The following NT5C3B variants were observed in gnomAD, a reference collection of about 807,000 sequenced individuals.
The protein encoded by NT5C3B is 5'-nucleotidase, cytosolic IIIB, also known as 7-methylguanosine phosphate-specific 5'-nucleotidase.
NT5C3B carries 28 observed loss-of-function variants against 32.5 expected under a neutral mutation model. The observed-to-expected ratio is 0.86, with a 90% CI of 0.64 to 1.18. NT5C3B has a LOEUF of 1.18. Among genes scored for constraint, NT5C3B ranks in the 50% most tolerant of loss-of-function variants. The pLI, the probability that NT5C3B is intolerant of heterozygous loss-of-function variation, is 0.00. For missense variants in NT5C3B, 317 were observed against 322.0 expected, an observed-to-expected ratio of 0.98 and a Z score of 0.12; for synonymous variants, 138 against 118.0, an observed-to-expected ratio of 1.17 and a Z score of -1.10.
At position 41,835,054 on chromosome 17, in the gene NT5C3B, G is replaced by A. The variant is rs1555619604; in HGVS notation, c.228+16C>T. 1.9e-6 allele frequency: 3 copies of A among 1,613,384 alleles called. No individual in the cohort carries two copies. The Admixed American group carries it at 5.0e-5, about 27-fold the overall frequency. On this transcript the variant is annotated intron_variant, in intron 4 of 8. Coordinates refer to ENST00000435506, the MANE Select transcript of NT5C3B (RefSeq NM_052935.5). ...AAATGACAACCATTTCTGAGCAAAG[G>A]ACGGGAGCAACCCACCTCTTTCCGA...
Position 41,836,215 on chromosome 17 carries a change from G to A in NT5C3B, c.-22C>T. 1 of 1,241,098 alleles carries A rather than the reference G, an allele frequency of 8.1e-7. No homozygotes were observed. The highest frequency in any genetic ancestry group is 3.8e-5 in the South Asian group (1 of 26,240). 76.9% of individuals were successfully genotyped at this position (1,241,098 alleles called of 1,614,324 possible). A position where few individuals can be genotyped will look rare whatever the true frequency, so the allele number is the denominator to read the frequency against. On this transcript the variant is annotated 5_prime_UTR_variant, in exon 1 of 9. Transcript: ENST00000435506. ...CCATCCCGTTCGAGGCCTGGTCGGCGGCTCGCGGGACAACGACAGCCCCGC... is the reference window on the plus strand; with the variant it reads ...CCATCCCGTTCGAGGCCTGGTCGGCAGCTCGCGGGACAACGACAGCCCCGC...
Position 41,832,457 on chromosome 17 carries a change from G to A in NT5C3B, c.249C>T (p.His83=). ...GTGGGTCGATCTCAATTGGGTAATA[G>A]TGGTGAAGGAGCGCTGTGAGCTGGG... ...CRKELTALLH[H]YYPIEIDPHR... Residue 83 remains histidine (H), a synonymous_variant, in exon 5 of 9, where the codon CAC becomes CAT. Transcript: ENST00000435506. The A allele has an allele frequency of 1.9e-6, 3 of 1,613,718 alleles. No individual in the cohort carries two copies. Among genetic ancestry groups the A allele is most frequent in the Non-Finnish European group, 2.5e-6 (3 of 1,179,748 alleles).
chr17:41,835,834 C>A, intron 2 of NT5C3B, 25 bp downstream of exon 2: 3 of 1,586,758 alleles, frequency 1.9e-6, no homozygotes, highest in Non-Finnish European at 2.6e-6. Flanking sequence ...CCAGCCCGGC[C>A]GGCCCCCGCA....
At position 41,825,271 on chromosome 17, in the gene NT5C3B, G is replaced by A. The variant is rs1555617914; in HGVS notation, c.*252C>T. The A allele has an allele frequency of 4.6e-6, 2 of 437,568 alleles. No individual in the cohort carries two copies. Among genetic ancestry groups the A allele is most frequent in the East Asian group, 6.8e-5 (2 of 29,526 alleles). 27.1% of individuals were successfully genotyped at this position (437,568 alleles called of 1,614,324 possible). On this transcript the variant is annotated 3_prime_UTR_variant, in exon 9 of 9. Transcript: ENST00000435506. ...AAAAATTTTGAAGAAAATCCCTGGA[G>A]TAGACAATCCCTAGAGCACTGACAT...
Position 41,827,565 on chromosome 17 carries a change from C to G in NT5C3B, c.629G>C (p.Cys210Ser), listed in dbSNP as rs575965462. 3 of 870,204 alleles carry G rather than the reference C, an allele frequency of 3.4e-6. No individual in the cohort carries two copies. In the South Asian group the frequency reaches 3.9e-5, roughly 11 times the overall value. The allele number at this position is 870,204 out of a possible 1,614,324, so 53.9% of individuals were successfully genotyped here. ...IHTYNKNSSA[C>S]ENSGYFQQLE... ...TTGCTGGAAGTAACCAGAGTTCTCACACGCAGAGCTGTTCTTGTTGTATGT... is the reference window on the plus strand; with the variant it reads ...TTGCTGGAAGTAACCAGAGTTCTCAGACGCAGAGCTGTTCTTGTTGTATGT... Residue 210 changes from cysteine (C) to serine (S), a missense_variant, in exon 8 of 9, where the codon TGT (cysteine) becomes TCT (serine). Physicochemically the swap from Cys to Ser is moderately radical, Grantham distance 112. Coordinates refer to ENST00000435506, the MANE Select transcript of NT5C3B (RefSeq NM_052935.5).
intron 5 of NT5C3B, 72 bp from the exon 6 acceptor site, chr17:41,830,962 G>T: frequency 1.0e-6 from 1 of 965,328 alleles, no homozygotes; most frequent in South Asian, 1.3e-5. Context: ...TCCCTTTACA[G>T]AGCCAAGTAC....
chr17:41,830,033 C>A (rs1308872862), intron 6 of NT5C3B, among the ~76,000 whole-genome samples: 1 of 152,168 alleles, frequency 6.6e-6, no homozygotes, highest in Non-Finnish European at 1.5e-5. Flanking sequence ...CCCTTGAGGG[C>A]AGGCACCCAT....
chr17:41,829,691 A>G (rs2048021553), intron 6 of NT5C3B, among the ~76,000 whole-genome samples: 1 of 152,192 alleles, frequency 6.6e-6, no homozygotes, highest in African/African-American at 2.4e-5. Context: ...TCCACCATAT[A>G]AATATGCCAC....
chr17:41,829,334 C>T (rs2883065), intron 6 of NT5C3B, among the ~76,000 whole-genome samples: 116,121 of 152,116 alleles, frequency 0.76, 44,591 homozygotes, highest in Admixed American at 0.84. Flanking sequence ...CACTCCAGCC[C>T]GGGCAAGAGA....
At position 41,835,270 on chromosome 17, in the gene NT5C3B, C is replaced by T; in HGVS notation, c.114G>A (p.Val38=). 6.2e-7 allele frequency: 1 copy of T among 1,613,990 alleles called. No homozygotes were observed. The highest frequency in any genetic ancestry group is 1.1e-5 in the South Asian group (1 of 91,054). The stretch of plus-strand genomic sequence containing the variant: ...TCAAGGTCATGTCAAAATCAGAAAT[C>T]ACCTATAAGGCAAAAGAGAGATGAT... ...LRKGGGDRLQ[V]ISDFDMTLSR... The change falls in exon 3 of 9, where the codon GTG becomes GTA. Residue 38 remains valine, a splice_region_variant and synonymous_variant. Coordinates refer to ENST00000435506, the MANE Select transcript of NT5C3B (RefSeq NM_052935.5).
At chr17:41,828,672 GA>G (rs2048003071) in intron 7 of NT5C3B, 117 bp downstream of exon 7, 1 of 947,384 alleles carries the variant, frequency 1.1e-6, no homozygotes, top group Non-Finnish European at 1.6e-6. Context: ...TGAGGGTGAA[GA>G]AGCTAGAGTG....
At chr17:41,827,758 A>G (rs1412279869) in intron 7 of NT5C3B, 132 bp from the exon 8 acceptor site, 2 of 634,004 alleles carry the variant, frequency 3.2e-6, no homozygotes, top group South Asian at 1.9e-5. Context: ...ACTGTAGCCT[A>G]AACTACGGCC....
chr17:41,831,397 A>G (rs1011467713), intron 5 of NT5C3B, among the ~76,000 whole-genome samples: 1 of 151,648 alleles, frequency 6.6e-6, no homozygotes, highest in Non-Finnish European at 1.5e-5. Context: ...TGACTGCTGA[A>G]GTCGGCACTC....
In NT5C3B at chr17:41,830,887, C is replaced by T; in HGVS notation, c.318G>A (p.Trp106Ter). The T allele has an allele frequency of 6.3e-7, 1 of 1,599,734 alleles. No individual in the cohort carries two copies. Among genetic ancestry groups the T allele is most frequent in the African/African-American group, 1.3e-5 (1 of 74,334 alleles). Reference protein sequence around the residue: ...KEKLPHMVEWWTKAHNLLCQQ... With the variant: ...KEKLPHMVEW ...GACATAGGAGATTGTGTGCTTTGGT[C>T]CACCTAGAAACAGACACCCCAGAAA... is the stretch of plus-strand genomic sequence containing the variant. Residue 106 changes from tryptophan to a stop codon, truncating the protein, a stop_gained, in exon 6 of 9, where the codon TGG becomes TGA. Coordinates refer to ENST00000435506, the MANE Select transcript of NT5C3B (RefSeq NM_052935.5). LOFTEE classifies it high-confidence loss of function.
In NT5C3B at chr17:41,828,773, A is replaced by G; in HGVS notation, c.567+17T>C. ...CCACCCCTCGTCCTTTCCCAGCCCA[A>G]ACAGGATTTGGCTCACATCTTCATT... On this transcript the variant is annotated intron_variant, in intron 7 of 8. Transcript: ENST00000435506. 1 of 1,608,120 alleles carries G rather than the reference A, an allele frequency of 6.2e-7. No homozygotes were observed. Among genetic ancestry groups the G allele is most frequent in the Non-Finnish European group, 8.5e-7 (1 of 1,175,680 alleles).
intron 4 of NT5C3B, among the ~76,000 whole-genome samples, chr17:41,833,217 C>A (rs1294270145): frequency 6.6e-6 from 1 of 152,106 alleles, no homozygotes; most frequent in Non-Finnish European, 1.5e-5. Flanking sequence ...TGCTGTGTTT[C>A]CCAGAATGTG....
chr17:41,836,044 G>A, intron 1 of NT5C3B, 87 bp from the exon 2 acceptor site: 1 of 1,431,338 alleles, frequency 7.0e-7, no homozygotes, highest in Non-Finnish European at 9.2e-7. Context: ...CGCGTGTGAG[G>A]CGGGGCCGGG....
At chr17:41,835,327 C>T in intron 2 of NT5C3B, 55 bp from the exon 3 acceptor site, 1 of 1,427,542 alleles carries the variant, frequency 7.0e-7, no homozygotes. Context: ...CTAGTGTGGC[C>T]CTGCCTCAGC....
chr17:41,827,402 A>G, intron 8 of NT5C3B, 24 bp downstream of exon 8: 1 of 868,726 alleles, frequency 1.2e-6, no homozygotes, highest in Admixed American at 1.7e-5. Flanking sequence ...ACATGAAGAG[A>G]AGCAGCCCTG....
Sources: allele counts gnomAD v4.1 joint callset (sites outside exome capture counted in the v4.1 genomes callset), GRCh38; gene constraint gnomAD v4.1.1; transcripts MANE v1.5; gene names NCBI Gene and HGNC (gene_info 2026-07-23, HGNC 2026-07-21).